The following HTT variants were observed in gnomAD, a reference collection of about 807,000 sequenced individuals.
The protein encoded by HTT is huntingtin, also known as huntington disease protein.
Under a neutral mutation model 362.3 loss-of-function variants are expected in HTT, and 104 were observed. The ratio of observed to expected loss-of-function variants is 0.29; its 90% CI spans 0.24 to 0.34. HTT has a LOEUF of 0.34. HTT is among the 10% of genes least tolerant of loss of function. The pLI is 1.00. For synonymous variants in HTT, 1,577 were observed against 1,548.7 expected, an observed-to-expected ratio of 1.02 and a Z score of -0.43; for missense variants, 3,301 against 3,928.6, an observed-to-expected ratio of 0.84 and a Z score of 4.27.
Position 3,225,866 on chromosome 4 carries a change from A to T in HTT, c.7848+123A>T, listed in dbSNP as rs560190743. 1,745 of 648,658 alleles carry T rather than the reference A, an allele frequency of 2.7e-3. 7 individuals are homozygous for T. The highest frequency in any genetic ancestry group is 3.7e-3 in the Admixed American group (116 of 31,628). The allele number at this position is 648,658 out of a possible 1,614,324, so 40.2% of individuals were successfully genotyped here. A position where few individuals can be genotyped will look rare whatever the true frequency, so the allele number is the denominator to read the frequency against. ...ATGAAAGGAAGTTTTCCTTTTTTTT[A>T]AAAAAAAATTTAATGTTCATTGTTT... On this transcript the variant is annotated intron_variant, in intron 57 of 66. Coordinates refer to ENST00000355072, the MANE Select transcript of HTT (RefSeq NM_001388492.1).
chr4:3,212,792 G>A, intron 49 of HTT, 83 bp downstream of exon 49: 3 of 1,431,006 alleles, frequency 2.1e-6, no homozygotes, highest in Non-Finnish European at 2.9e-6. Context: ...AGTTTTATTT[G>A]AAAAGCAAGA....
Position 3,228,860 on chromosome 4 carries a change from C to G in HTT, c.7980-20C>G. The G allele has an allele frequency of 6.2e-7, 1 of 1,603,088 alleles. No individual in the cohort carries two copies. The highest frequency in any genetic ancestry group is 8.5e-7 in the Non-Finnish European group (1 of 1,170,872). ...CTCATCTCATGTACTTGGAAAATAC[C>G]CATCTCGCATATTCCACAGGAAACA... On this transcript the variant is annotated intron_variant, in intron 58 of 66. Transcript: ENST00000355072. The surrounding 1 kb of genome is among the most constrained non-coding windows in gnomAD (Gnocchi z 4.3).
rs1162780391 is a variant in HTT, at chr4:3,212,031, C to G, written c.6517C>G (p.Leu2173Val). The change falls in exon 48 of 67, where the codon CTG becomes GTG. Residue 2173 changes from leucine to valine, a missense_variant. Around this residue, in one of 4 missense-constraint regions of HTT, gnomAD observed 2,316 missense variants for 2,658.5 expected, o/e 0.87. Coordinates refer to ENST00000355072, the MANE Select transcript of HTT (RefSeq NM_001388492.1). ...TTTTGAAGCAGCCCGTGAGGTGACT[C>G]TGGCCCGTGTGAGCGGCACCGTGCA... Reference protein sequence around the residue: ...ALFEAAREVTLARVSGTVQQL... With the variant: ...ALFEAAREVTVARVSGTVQQL... 1 of 1,614,110 alleles carries G rather than the reference C, an allele frequency of 6.2e-7. No homozygotes were observed. Among genetic ancestry groups the G allele is most frequent in the African/African-American group, 1.3e-5 (1 of 74,942 alleles).
At chr4:3,131,221 A>T (rs1270100284) in intron 14 of HTT, 65 bp from the exon 15 acceptor site, 11 of 1,191,890 alleles carry the variant, frequency 9.2e-6, no homozygotes, top group Non-Finnish European at 1.4e-5. Flanking sequence ...CTATCTGTTG[A>T]ATGAACTAAT....
intron 2 of HTT, among the ~76,000 whole-genome samples, chr4:3,097,092 C>T (rs1489223216): frequency 2.0e-5 from 3 of 152,144 alleles, no homozygotes. Flanking sequence ...GTGTTCCATC[C>T]TGGGCAACAG....
Position 3,215,174 on chromosome 4 carries a change from C to A in HTT, c.7017C>A (p.Ile2339=). The change falls in exon 51 of 67, where the codon ATC becomes ATA. Residue 2339 remains isoleucine, a synonymous_variant. Coordinates refer to ENST00000355072, the MANE Select transcript of HTT (RefSeq NM_001388492.1). ...PERRTNTPKA[I]SEEEEEVDPN... ...GAAGGACAAATACCCCAAAAGCCAT[C>A]AGCGAGGAGGAGGAGGAAGTAGATC... The A allele has an allele frequency of 6.2e-7, 1 of 1,614,124 alleles. No individual in the cohort carries two copies. Among genetic ancestry groups the A allele is most frequent in the Non-Finnish European group, 8.5e-7 (1 of 1,180,006 alleles).
Position 3,240,067 on chromosome 4 carries a change from G to A in HTT, c.*8G>A. The A allele has an allele frequency of 6.3e-7, 1 of 1,576,178 alleles. No individual in the cohort carries two copies. The highest frequency in any genetic ancestry group is 2.3e-5 in the East Asian group (1 of 43,728). The stretch of plus-strand genomic sequence containing the variant: ...AAGGTCACCACCTGCTGAGCGCCAT[G>A]GTGGGAGAGACTGTGAGGCGGCAGC... On this transcript the variant is annotated 3_prime_UTR_variant, in exon 67 of 67. Coordinates refer to ENST00000355072, the MANE Select transcript of HTT (RefSeq NM_001388492.1).
At chr4:3,183,872 C>T (rs1027421532) in intron 37 of HTT, among the ~76,000 whole-genome samples, 7 of 152,220 alleles carry the variant, frequency 4.6e-5, no homozygotes, top group Admixed American at 4.6e-4. Flanking sequence ...AGGTAGCTCA[C>T]CACAGGTGCA....
chr4:3,093,504 C>T (rs1040918652), intron 2 of HTT, among the ~76,000 whole-genome samples: 1 of 152,118 alleles, frequency 6.6e-6, no homozygotes, highest in Non-Finnish European at 1.5e-5. Flanking sequence ...ATAATGCTCC[C>T]CTCTTTCCCC....
At chr4:3,194,770 C>G (rs1560588270) in intron 40 of HTT, among the ~76,000 whole-genome samples, 1 of 152,176 alleles carries the variant, frequency 6.6e-6, no homozygotes, top group Non-Finnish European at 1.5e-5. Context: ...TCTGTGGTTC[C>G]ACTTTTTGGG....
rs528205593 is a variant in HTT, at chr4:3,239,941, A to T, written c.9311A>T (p.Glu3104Val). The change falls in exon 67 of 67, where the codon GAG becomes GTG. Residue 3104 changes from glutamate to valine, a missense_variant. This residue lies in a region of HTT where 753 missense variants were observed against 1,021.3 expected (regional missense o/e 0.74). Coordinates refer to ENST00000355072, the MANE Select transcript of HTT (RefSeq NM_001388492.1). Reference protein sequence around the residue: ...VATDFYRHQIEEELDRRAFQS... With the variant: ...VATDFYRHQIVEELDRRAFQS... Reference sequence around the variant, plus strand: ...ACAGACTTCTACAGACACCAGATAGAGGAGGAGCTCGACCGCAGGGCCTTC... The same window carrying T: ...ACAGACTTCTACAGACACCAGATAGTGGAGGAGCTCGACCGCAGGGCCTTC... 89 of 1,585,590 alleles carry T rather than the reference A, an allele frequency of 5.6e-5. 1 individual carries two copies. The South Asian group carries it at 9.1e-4, about 16-fold the overall frequency.
In HTT at chr4:3,174,944, A is replaced by T; in HGVS notation, c.4246-2A>T. On this transcript the variant is annotated splice_acceptor_variant, in intron 32 of 66. Transcript: ENST00000355072. LOFTEE classifies it high-confidence loss of function. ...CTTTCTTTCTTTTTTTCTTTTTTAT[A>T]GAATGCTATTCATAATCACATTCGT... The T allele has an allele frequency of 6.4e-7, 1 of 1,572,680 alleles. No homozygotes were observed. Among genetic ancestry groups the T allele is most frequent in the Admixed American group, 1.8e-5 (1 of 54,192 alleles).
At chr4:3,183,889 A>G (rs959104916) in intron 37 of HTT, among the ~76,000 whole-genome samples, 1 of 152,226 alleles carries the variant, frequency 6.6e-6, no homozygotes, top group African/African-American at 2.4e-5. Context: ...TGCATGTTGC[A>G]TTCAGAAGTA....
intron 28 of HTT, among the ~76,000 whole-genome samples, chr4:3,158,617 T>C (rs1717280566): frequency 6.6e-6 from 1 of 152,050 alleles, no homozygotes; most frequent in Non-Finnish European, 1.5e-5. Flanking sequence ...TTCCTCTGTT[T>C]TTGTTACTAA....
At chr4:3,126,719 C>G (rs1354536116) in intron 11 of HTT, among the ~76,000 whole-genome samples, 2 of 152,168 alleles carry the variant, frequency 1.3e-5, no homozygotes, top group African/African-American at 4.8e-5. Context: ...TTTTATATAG[C>G]CTTTTTTGTT....
At chr4:3,117,915 C>T (rs983394326) in intron 8 of HTT, among the ~76,000 whole-genome samples, 3 of 151,924 alleles carry the variant, frequency 2.0e-5, no homozygotes, top group Admixed American at 2.0e-4. Context: ...ACATCAAATA[C>T]CCACCAACTC....
intron 8 of HTT, among the ~76,000 whole-genome samples, chr4:3,118,623 C>T (rs1241761848): frequency 6.6e-6 from 1 of 152,124 alleles, no homozygotes; most frequent in Non-Finnish European, 1.5e-5. Context: ...CATAGATTAG[C>T]AAGAGTGCTG....
chr4:3,228,758 C>T lies in HTT; in HGVS notation c.7979+13C>T, dbSNP rs377207683. On this transcript the variant is annotated intron_variant, in intron 58 of 66. Transcript: ENST00000355072. The surrounding 1 kb of genome is among the most constrained non-coding windows in gnomAD (Gnocchi z 4.3). ...CAGTCAACTCCAGGTTTTCCAATGG[C>T]CTTTTTCTTTTTAACAGAAATTTGA... The T allele has an allele frequency of 3.2e-6, 5 of 1,571,502 alleles. No homozygotes were observed. The African/African-American group carries it at 6.8e-5, about 21-fold the overall frequency.
chr4:3,178,426 G>A lies in HTT; in HGVS notation c.4592G>A (p.Gly1531Glu), dbSNP rs1234913254. Residue 1531 changes from glycine to glutamate, a missense_variant, in exon 35 of 67, where the codon GGA becomes GAA. Gly to Glu is a moderately conservative substitution (Grantham distance 98). Around this residue, in one of 4 missense-constraint regions of HTT, gnomAD observed 2,316 missense variants for 2,658.5 expected, o/e 0.87. Coordinates refer to ENST00000355072, the MANE Select transcript of HTT (RefSeq NM_001388492.1). ...IQLCDGIMASGRKAVTHAIPA... is the reference protein window; with the variant it reads ...IQLCDGIMASERKAVTHAIPA... ...CTCTGTGATGGCATCATGGCCAGTG[G>A]AAGGAAGGCTGTGACACATGGTAAC... 1 of 1,613,692 alleles carries A rather than the reference G, an allele frequency of 6.2e-7. No individual in the cohort carries two copies. Among genetic ancestry groups the A allele is most frequent in the East Asian group, 2.2e-5 (1 of 44,876 alleles).
Sources: gnomAD v4.1 joint callset for allele counts (sites outside exome capture counted in the v4.1 genomes callset) on GRCh38, gnomAD v4.1.1 for gene constraint, gnomAD v4.1.1 regional missense constraint, Gnocchi (gnomAD v3.1) non-coding constraint, MANE v1.5 for transcripts, NCBI Gene and HGNC (gene_info 2026-07-23, HGNC 2026-07-21) for gene names.